The following NLRP4 variants were observed in gnomAD, a reference collection of about 807,000 sequenced individuals.
NLRP4 encodes NACHT, LRR and PYD domains-containing protein 4.
A neutral mutation model predicts 84.7 loss-of-function variants in NLRP4; 44 were observed. That is an observed-to-expected ratio of 0.52 (90% confidence interval 0.41 to 0.67). The LOEUF is 0.67. Ranked by LOEUF, NLRP4 falls within the 30% of genes least tolerant of loss-of-function variation. The pLI is 0.00. For missense variants in NLRP4, 1,260 were observed against 1,219.4 expected (o/e 1.03, Z -0.50); for synonymous variants, 544 against 476.4 (o/e 1.14, Z -1.85).
intron 1 of NLRP4, among the ~76,000 whole-genome samples, chr19:55,846,775 C>T (rs921035218): frequency 6.6e-6 from 1 of 152,018 alleles, no homozygotes; most frequent in Admixed American, 6.6e-5. Flanking sequence ...CCTCAGGACT[C>T]AGATACATGT....
At chr19:55,873,836 G>A (rs1264060191) in intron 7 of NLRP4, among the ~76,000 whole-genome samples, 1 of 152,034 alleles carries the variant, frequency 6.6e-6, no homozygotes. Context: ...TAGAGTCCAG[G>A]AATCTAAGAG....
intron 1 of NLRP4, among the ~76,000 whole-genome samples, chr19:55,837,500 T>A (rs999439035): frequency 1.3e-5 from 2 of 152,210 alleles, no homozygotes; most frequent in Non-Finnish European, 2.9e-5. Flanking sequence ...TCTCCAATTA[T>A]GCCATTTGTT....
In NLRP4 at chr19:55,867,795, T is replaced by C; in HGVS notation, c.2273T>C (p.Val758Ala). ...AACAAGAAGCTGACGTATCTGAATG[T>C]ATCCTGCAACCAGTTAGACACAGGC... The part of the protein sequence containing the change: ...TNNKKLTYLN[V>A]SCNQLDTGVP... Residue 758 changes from valine to alanine, a missense_variant, in exon 6 of 10, where the codon GTA (valine) becomes GCA (alanine). Val to Ala is a moderately conservative substitution (Grantham distance 64). This residue lies in a region of NLRP4 where 544 missense variants were observed against 531.7 expected (regional missense o/e 1.02). Transcript: ENST00000301295. 1 of 1,614,196 alleles carries C rather than the reference T, an allele frequency of 6.2e-7. No individual in the cohort carries two copies. The highest frequency in any genetic ancestry group is 1.1e-5 in the South Asian group (1 of 91,088).
At chr19:55,856,661 ACACAC>A (rs1984434580) in intron 2 of NLRP4, among the ~76,000 whole-genome samples, 1 of 151,430 alleles carries the variant, frequency 6.6e-6, no homozygotes, top group African/African-American at 2.4e-5. Context: ...GACTACAGGC[ACACAC>A]CACCACGCCC....
rs751683730 is a variant in NLRP4 at position 55,852,073 on chromosome 19, C to A, written c.-8C>A. 18 of 1,585,018 alleles carry A rather than the reference C, an allele frequency of 1.1e-5. No individual in the cohort carries two copies. In the Admixed American group the frequency reaches 2.9e-4, roughly 26 times the overall value. On this transcript the variant is annotated 5_prime_UTR_variant, in exon 2 of 10. Coordinates refer to ENST00000301295, the MANE Select transcript of NLRP4 (RefSeq NM_134444.5). ...TCTTTGAGGATTGGTATCTCTGCTC[C>A]AGAAAAGATGGCAGCCTCTTTCTTC...
intron 2 of NLRP4, among the ~76,000 whole-genome samples, chr19:55,854,079 C>T (rs915221141): frequency 1.3e-5 from 2 of 152,110 alleles, no homozygotes; most frequent in African/African-American, 4.8e-5. Context: ...AAGTGATTCT[C>T]CTGCCTCAGC....
chr19:55,841,419 T>C (rs1194990810), intron 1 of NLRP4, among the ~76,000 whole-genome samples: 1 of 152,216 alleles, frequency 6.6e-6, no homozygotes, highest in African/African-American at 2.4e-5. Context: ...TTACCTCGTG[T>C]CCTCCACGTT....
chr19:55,840,385 T>G (rs1469345737), intron 1 of NLRP4, among the ~76,000 whole-genome samples: 1 of 145,372 alleles, frequency 6.9e-6, no homozygotes, highest in African/African-American at 2.6e-5. Flanking sequence ...TGTATACATA[T>G]TTTCTTTTTT....
In NLRP4 at chr19:55,858,965, C is replaced by T. The variant is rs1235772570; in HGVS notation, c.1572C>T (p.Ser524=). 8 of 1,614,040 alleles carry T rather than the reference C, an allele frequency of 5.0e-6. No homozygotes were observed. Among genetic ancestry groups the T allele is most frequent in the Non-Finnish European group, 6.8e-6 (8 of 1,180,020 alleles). Residue 524 remains serine (S), a synonymous_variant, in exon 3 of 10, where the codon TCC becomes TCT. Transcript: ENST00000301295. The surrounding 1 kb of genome is among the most constrained non-coding windows in gnomAD (Gnocchi z 4.2). ...ATGCGTTTTTTGGCTTCCAACTGTC[C>T]CAAGAGATAAAGCAGCAAATTCACC... ...KLDAFFGFQL[S]QEIKQQIHQC... is the part of the protein sequence containing the mutation.
chr19:55,866,267 C>G (rs1245263914), intron 5 of NLRP4, among the ~76,000 whole-genome samples: 1 of 152,262 alleles, frequency 6.6e-6, no homozygotes, highest in East Asian at 1.9e-4. Context: ...CTCTTGACCT[C>G]ATGTTCCGCC....
intron 1 of NLRP4, among the ~76,000 whole-genome samples, chr19:55,842,814 G>C (rs1359337181): frequency 1.3e-5 from 2 of 151,888 alleles, no homozygotes; most frequent in South Asian, 2.1e-4. Context: ...GGCTGGAGTG[G>C]AGAGGTGCGA....
intron 6 of NLRP4, 28 bp downstream of exon 6, chr19:55,867,904 T>A (rs761515156): frequency 1.2e-6 from 2 of 1,604,830 alleles, no homozygotes; most frequent in Admixed American, 3.4e-5. Context: ...GTGCCTACTG[T>A]GGAGGGCCAT....
chr19:55,848,804 C>G (rs1374201807), intron 1 of NLRP4, among the ~76,000 whole-genome samples: 2 of 152,128 alleles, frequency 1.3e-5, no homozygotes, highest in Admixed American at 1.3e-4. Context: ...CCCATAATTC[C>G]CACATGTGGT....
intron 5 of NLRP4, among the ~76,000 whole-genome samples, chr19:55,863,081 C>T (rs576093005): frequency 2.6e-5 from 4 of 152,240 alleles, no homozygotes; most frequent in African/African-American, 7.2e-5. Flanking sequence ...GTGGAAATAC[C>T]ACTGACAGTA....
At chr19:55,840,858 T>G (rs1020047429) in intron 1 of NLRP4, among the ~76,000 whole-genome samples, 1 of 152,206 alleles carries the variant, frequency 6.6e-6, no homozygotes. Context: ...TGACAACAGA[T>G]TTTTTTAAAA....
intron 7 of NLRP4, among the ~76,000 whole-genome samples, chr19:55,872,736 G>C (rs1475434045): frequency 6.6e-6 from 1 of 152,104 alleles, no homozygotes; most frequent in Non-Finnish European, 1.5e-5. Context: ...ACACTTACTG[G>C]GAATCGCGGA....
chr19:55,839,115 C>T (rs1326996958), intron 1 of NLRP4, among the ~76,000 whole-genome samples: 1 of 152,030 alleles, frequency 6.6e-6, no homozygotes, highest in Non-Finnish European at 1.5e-5. Flanking sequence ...TCCTAATGCT[C>T]TCCCTCCCCT....
chr19:55,843,503 C>G (rs1183079611), intron 1 of NLRP4, among the ~76,000 whole-genome samples: 1 of 151,784 alleles, frequency 6.6e-6, no homozygotes, highest in African/African-American at 2.4e-5. Flanking sequence ...CCAGCCTGGC[C>G]AACATGGTGA....
chr19:55,861,572 C>T (rs1313083275), intron 4 of NLRP4, 25 bp downstream of exon 4: 23 of 1,607,438 alleles, frequency 1.4e-5, no homozygotes, highest in Admixed American at 8.4e-5. Flanking sequence ...GACTTCGACT[C>T]GAGTATGTCA....
Sources: gnomAD v4.1 joint callset for allele counts (sites outside exome capture counted in the v4.1 genomes callset) on GRCh38, gnomAD v4.1.1 for gene constraint, gnomAD v4.1.1 regional missense constraint, Gnocchi (gnomAD v3.1) non-coding constraint, MANE v1.5 for transcripts, NCBI Gene and HGNC (gene_info 2026-07-23, HGNC 2026-07-21) for gene names.